The following RBFOX3 variants were observed in gnomAD, a reference collection of about 807,000 sequenced individuals.
RBFOX3 encodes the protein RNA binding fox-1 homolog 3, also known as RNA binding protein fox-1 homolog 3.
RBFOX3 carries 17 observed loss-of-function variants against 48.7 expected under a neutral mutation model. That is an observed-to-expected ratio of 0.35 (90% confidence interval 0.24 to 0.52). The LOEUF (loss-of-function observed/expected upper bound fraction) is 0.52. Among genes scored for constraint, RBFOX3 ranks in the 20% least tolerant of loss-of-function variants. The probability of loss-of-function intolerance (pLI) is 0.94; values close to 1 mark genes in which losing one functional copy is unlikely to be tolerated. For missense variants in RBFOX3, 382 were observed against 497.5 expected (o/e 0.77, Z 2.21); for synonymous variants, 212 against 209.5 (o/e 1.01, Z -0.10).
intron 3 of RBFOX3, among the ~76,000 whole-genome samples, chr17:79,250,551 G>A (rs112563825): frequency 4.6e-5 from 7 of 152,332 alleles, no homozygotes; most frequent in African/African-American, 1.4e-4. Context: ...GGGAGACCCA[G>A]CCTCACTGCT....
intron 3 of RBFOX3, among the ~76,000 whole-genome samples, chr17:79,244,902 C>T (rs1600196576): frequency 6.8e-6 from 1 of 146,946 alleles, no homozygotes; most frequent in African/African-American, 2.5e-5. Context: ...TCCCTCCCTC[C>T]TTTCCTTCCT....
chr17:79,118,273 G>A (rs556485847), intron 4 of RBFOX3, among the ~76,000 whole-genome samples: 7 of 152,286 alleles, frequency 4.6e-5, no homozygotes, highest in Admixed American at 3.9e-4. Context: ...AAACTGGGGC[G>A]ACATTCAAGC....
rs377281677 is a variant in RBFOX3 at position 79,129,163 on chromosome 17, C to G, written c.-33-13415G>C. 3.1e-4 allele frequency among the ~76,000 whole-genome samples: 47 copies of G among 152,260 alleles called. 1 individual carries two copies. In the South Asian group the frequency reaches 9.7e-3, roughly 32 times the overall value. Reference sequence around the variant, plus strand: ...CTGATGATGATAATTAGAGTAGTGACGGACGGTGGCTGAAGGCTTACGAAT... The same window carrying G: ...CTGATGATGATAATTAGAGTAGTGAGGGACGGTGGCTGAAGGCTTACGAAT... On this transcript the variant is annotated intron_variant, in intron 4 of 14. Transcript: ENST00000693108.
intron 2 of RBFOX3, among the ~76,000 whole-genome samples, chr17:79,380,988 G>A (rs1427718424): frequency 6.6e-6 from 1 of 152,218 alleles, no homozygotes; most frequent in Non-Finnish European, 1.5e-5. Context: ...GAGGCCAGGT[G>A]CAGTGGCTCA....
At chr17:79,336,365 C>T (rs190831380) in intron 2 of RBFOX3, among the ~76,000 whole-genome samples, 16 of 150,320 alleles carry the variant, frequency 1.1e-4, no homozygotes, top group African/African-American at 3.7e-4. Flanking sequence ...CCAGCCTGGG[C>T]GACAGAGTGA....
chr17:79,431,102 C>T (rs976549260), intron 2 of RBFOX3, among the ~76,000 whole-genome samples: 2 of 152,098 alleles, frequency 1.3e-5, no homozygotes, highest in Non-Finnish European at 2.9e-5. Flanking sequence ...AGGTCAAGCC[C>T]GATCGGTGAT....
At chr17:79,661,710 C>T in the RBFOX3 span, among the ~76,000 whole-genome samples, 1 of 152,204 alleles carries the variant, frequency 6.6e-6, no homozygotes, top group Non-Finnish European at 1.5e-5. Context: ...CATTTACATT[C>T]CTACCAGCAA....
chr17:79,304,373 T>C (rs1429386891), intron 3 of RBFOX3, among the ~76,000 whole-genome samples: 1 of 150,818 alleles, frequency 6.6e-6, no homozygotes, highest in East Asian at 1.9e-4. Context: ...TATAGGTATA[T>C]ATGTACATAT....
intron 12 of RBFOX3, 133 bp downstream of exon 12, chr17:79,096,520 C>T: frequency 2.6e-6 from 2 of 772,852 alleles, no homozygotes; most frequent in Non-Finnish European, 4.2e-6. Context: ...ACGTGGCACC[C>T]TCGCCCTCCT....
chr17:79,619,980 C>T, the RBFOX3 span, among the ~76,000 whole-genome samples: 2 of 152,168 alleles, frequency 1.3e-5, no homozygotes, highest in Admixed American at 6.5e-5. Context: ...CAACCACACG[C>T]GCACACACGC....
intron 1 of RBFOX3, among the ~76,000 whole-genome samples, chr17:79,510,598 T>C (rs2083992598): frequency 6.6e-6 from 1 of 152,190 alleles, no homozygotes; most frequent in Non-Finnish European, 1.5e-5. Flanking sequence ...TTAACAGGCC[T>C]GAGGTAGCCT....
At chr17:79,444,402 C>T (rs935497028) in intron 2 of RBFOX3, among the ~76,000 whole-genome samples, 6 of 152,042 alleles carry the variant, frequency 3.9e-5, no homozygotes, top group African/African-American at 1.2e-4. Flanking sequence ...GAAGACCAGC[C>T]GGGGGAAGAA....
At chr17:79,139,334 T>C (rs1282921283) in intron 4 of RBFOX3, among the ~76,000 whole-genome samples, 2 of 152,122 alleles carry the variant, frequency 1.3e-5, no homozygotes, top group African/African-American at 4.8e-5. Flanking sequence ...GATGCCTGCA[T>C]GCCAGGTGAC....
At chr17:79,222,521 G>C (rs951117217) in intron 4 of RBFOX3, among the ~76,000 whole-genome samples, 2 of 152,216 alleles carry the variant, frequency 1.3e-5, no homozygotes, top group African/African-American at 4.8e-5. Flanking sequence ...CCCTGCACCT[G>C]AGACTCTGAG....
chr17:79,371,392 T>G (rs992463576), intron 2 of RBFOX3, among the ~76,000 whole-genome samples: 1 of 152,232 alleles, frequency 6.6e-6, no homozygotes, highest in Admixed American at 6.5e-5. Context: ...CTTCCTCAGC[T>G]GAGTGCCCAT....
intron 1 of RBFOX3, among the ~76,000 whole-genome samples, chr17:79,511,651 C>A (rs1555781159): frequency 6.6e-6 from 1 of 152,110 alleles, no homozygotes; most frequent in Non-Finnish European, 1.5e-5. Flanking sequence ...AGCACAGCCC[C>A]ATGGCCAGGG....
chr17:79,494,603 C>T (rs2081174753), intron 1 of RBFOX3, among the ~76,000 whole-genome samples: 1 of 152,206 alleles, frequency 6.6e-6, no homozygotes, highest in Admixed American at 6.5e-5. Flanking sequence ...GAATGAGCAG[C>T]TTTCTGAAGG....
intron 2 of RBFOX3, among the ~76,000 whole-genome samples, chr17:79,381,077 C>G (rs555357972): frequency 1.3e-5 from 2 of 152,114 alleles, no homozygotes; most frequent in Non-Finnish European, 2.9e-5. Context: ...CTAACTAACA[C>G]GGTGAAACCC....
chr17:79,617,373 C>G, the RBFOX3 span, among the ~76,000 whole-genome samples: 2 of 152,078 alleles, frequency 1.3e-5, no homozygotes, highest in African/African-American at 2.4e-5. Flanking sequence ...CCCTTCCATC[C>G]TCGCCTTCCC....
Sources: gnomAD v4.1 joint callset for allele counts (sites outside exome capture counted in the v4.1 genomes callset) on GRCh38, gnomAD v4.1.1 for gene constraint, MANE v1.5 for transcripts, NCBI Gene and HGNC (gene_info 2026-07-23, HGNC 2026-07-21) for gene names.